GSE1: variants seen among roughly 807,000 people sequenced by gnomAD.
GSE1 encodes Gse1 coiled-coil protein, also known as genetic suppressor element 1.
In GSE1, 32 loss-of-function variants were observed where a neutral mutation model predicts 112.6. That is an observed-to-expected ratio of 0.28 (90% CI 0.21 to 0.38). The LOEUF is 0.38. Among genes scored for constraint, GSE1 ranks in the 10% least tolerant of loss-of-function variants. The probability of loss-of-function intolerance (pLI) is 1.00; values close to 1 mark genes in which losing one functional copy is unlikely to be tolerated. For missense variants in GSE1, 2,348 were observed against 1,699.2 expected (o/e 1.38, Z -6.71); for synonymous variants, 1,115 against 735.6 (o/e 1.52, Z -8.35).
chr16:85,333,506 CT>C (rs1171309864), intron 1 of GSE1, among the ~76,000 whole-genome samples: 1 of 152,284 alleles, frequency 6.6e-6, no homozygotes, highest in Non-Finnish European at 1.5e-5. Flanking sequence ...ACCTCACCCC[CT>C]TAGGGCTTGG....
intron 2 of GSE1, among the ~76,000 whole-genome samples, chr16:85,463,423 G>A (rs1423915402): frequency 6.6e-6 from 1 of 152,248 alleles, no homozygotes; most frequent in Non-Finnish European, 1.5e-5. Context: ...ACCCCGTGTA[G>A]GGAAGTGGCC....
At chr16:85,548,826 T>C (rs555392145) in intron 2 of GSE1, among the ~76,000 whole-genome samples, 394 of 152,340 alleles carry the variant, frequency 2.6e-3, no homozygotes, top group African/African-American at 9.2e-3. Flanking sequence ...AGTCTCACTC[T>C]GTCACCAGGC....
intron 1 of GSE1, among the ~76,000 whole-genome samples, chr16:85,298,779 C>T (rs1464598713): frequency 6.6e-6 from 1 of 152,226 alleles, no homozygotes; most frequent in Non-Finnish European, 1.5e-5. Flanking sequence ...GCATGTTAAT[C>T]TGGGCCAGGA....
intron 1 of GSE1, among the ~76,000 whole-genome samples, chr16:85,569,125 C>G (rs1442209133): frequency 6.6e-6 from 1 of 152,222 alleles, no homozygotes; most frequent in East Asian, 1.9e-4. Flanking sequence ...CTGCTGGGAT[C>G]CTTTTCTCCC....
chr16:85,286,436 C>G (rs1352200365), intron 1 of GSE1, among the ~76,000 whole-genome samples: 1 of 152,244 alleles, frequency 6.6e-6, no homozygotes, highest in African/African-American at 2.4e-5. Context: ...GTCCGTGTTA[C>G]TGAATCAAGG....
intron 1 of GSE1, among the ~76,000 whole-genome samples, chr16:85,189,072 A>G (rs1238606202): frequency 6.6e-6 from 1 of 152,188 alleles, no homozygotes; most frequent in Admixed American, 6.5e-5. Context: ...ATTCCTCACC[A>G]TTCCTTGAAG....
At chr16:85,449,866 G>A (rs1474081930) in intron 2 of GSE1, among the ~76,000 whole-genome samples, 1 of 152,186 alleles carries the variant, frequency 6.6e-6, no homozygotes, top group Non-Finnish European at 1.5e-5. Context: ...TCATTTCCCT[G>A]GTGGGGAATA....
At chr16:85,580,043 A>AT (rs2046385361) in intron 1 of GSE1, 1 of 152,256 alleles carries the variant, frequency 6.6e-6, no homozygotes, top group Admixed American at 6.5e-5. Context: ...CAGAGAAGGG[A>AT]TACAGCTGGG....
rs746819012 is a variant in GSE1, at chr16:85,661,138, C to T, written c.1641-8C>T. 1.9e-6 allele frequency: 3 copies of T among 1,557,172 alleles called. No homozygotes were observed. Among genetic ancestry groups the T allele is most frequent in the Non-Finnish European group, 2.6e-6 (3 of 1,146,630 alleles). On this transcript the variant is annotated splice_polypyrimidine_tract_variant and splice_region_variant and intron_variant, in intron 8 of 15. Coordinates refer to ENST00000253458, the MANE Select transcript of GSE1 (RefSeq NM_014615.5). The stretch of plus-strand genomic sequence containing the variant: ...CTCCCTGACTGAAGGGTTGGTTTCA[C>T]TCCCTAGGCCAGGACCAAACCGTCA...
At chr16:85,600,276 G>A (rs1256883007) in intron 1 of GSE1, among the ~76,000 whole-genome samples, 1 of 152,212 alleles carries the variant, frequency 6.6e-6, no homozygotes, top group Non-Finnish European at 1.5e-5. Flanking sequence ...GCCAGGAATA[G>A]AACTCCTGAG....
rs116443988 is a variant in GSE1, at chr16:85,436,893, G to A, written c.2464+79250G>A. ...CACGCAGTGGGCGGCCCGGGACTGT[G>A]GGGGCGGGCTGGAGGCAACCTTGAG... On this transcript the variant is annotated intron_variant, in intron 2 of 2. Transcript: ENST00000637419. 2.5e-4 allele frequency among the ~76,000 whole-genome samples: 38 copies of A among 152,354 alleles called. No homozygotes were observed. In the East Asian group the frequency reaches 6.8e-3, roughly 27 times the overall value.
Position 85,657,615 on chromosome 16 carries a change from C to G in GSE1, c.1640+11C>G. On this transcript the variant is annotated intron_variant, in intron 8 of 15. Coordinates refer to ENST00000253458, the MANE Select transcript of GSE1 (RefSeq NM_014615.5). ...GGAGAGCACCACCAGGTGAGTGAGC[C>G]CCAGGAAGGAAGGAGGGATGAGCCT... 2.0e-6 allele frequency: 3 copies of G among 1,496,300 alleles called. No individual in the cohort carries two copies. The highest frequency in any genetic ancestry group is 1.8e-6 in the Non-Finnish European group (2 of 1,122,470). The allele number at this position is 1,496,300 out of a possible 1,614,324, so 92.7% of individuals were successfully genotyped here. A position where few individuals can be genotyped will look rare whatever the true frequency, so the allele number is the denominator to read the frequency against.
chr16:85,275,743 TGGAAACCAAGCGAAG>T (rs1909296652), intron 1 of GSE1, among the ~76,000 whole-genome samples: 1 of 151,924 alleles, frequency 6.6e-6, no homozygotes, highest in Admixed American at 6.6e-5. Context: ...TGGACCCAGG[TGGAAACCAAGCGAAG>T]GGATGAACCG....
At chr16:85,454,072 A>G (rs111665495) in intron 2 of GSE1, among the ~76,000 whole-genome samples, 5,542 of 152,214 alleles carry the variant, frequency 0.036, 334 homozygotes, top group African/African-American at 0.13. Context: ...AGGCTCTAGG[A>G]GTGGAGGGAG....
At chr16:85,246,832 T>G (rs1597181427) in intron 1 of GSE1, among the ~76,000 whole-genome samples, 1 of 151,914 alleles carries the variant, frequency 6.6e-6, no homozygotes, top group Non-Finnish European at 1.5e-5. Context: ...AGGAAGGGGG[T>G]GCTCAGGAAA....
At chr16:85,628,717 G>C (rs1203342947) in intron 1 of GSE1, among the ~76,000 whole-genome samples, 6 of 152,212 alleles carry the variant, frequency 3.9e-5, no homozygotes, top group African/African-American at 1.4e-4. Context: ...TAAAAGCCTG[G>C]TTCACTGCAG....
In GSE1 at chr16:85,666,278, G is replaced by C. The variant is rs1267671300; in HGVS notation, c.3061G>C (p.Glu1021Gln). 3 of 1,613,910 alleles carry C rather than the reference G, an allele frequency of 1.9e-6. No individual in the cohort carries two copies. In the Admixed American group the frequency reaches 5.0e-5, roughly 27 times the overall value. The change falls in exon 13 of 16, where the codon GAA becomes CAA. Residue 1021 changes from glutamate to glutamine, a missense_variant. Physicochemically the swap from Glu to Gln is conservative, Grantham distance 29 (BLOSUM62 2). Transcript: ENST00000253458. ...CAAGCCGTGGGAGCCCTTTGTGGCA[G>C]AAGAGTTTGCACATCAGTTCCACGA... is the stretch of plus-strand genomic sequence containing the variant. ...KSKPWEPFVAEEFAHQFHESV... is the reference protein window; with the variant it reads ...KSKPWEPFVAQEFAHQFHESV...
chr16:85,182,735 C>G (rs1420438577), intron 1 of GSE1, among the ~76,000 whole-genome samples: 1 of 152,120 alleles, frequency 6.6e-6, no homozygotes, highest in Non-Finnish European at 1.5e-5. Flanking sequence ...GCAGGCCAAG[C>G]CAACAGGCGT....
At chr16:85,488,128 C>G (rs376093854) in intron 2 of GSE1, among the ~76,000 whole-genome samples, 5 of 152,166 alleles carry the variant, frequency 3.3e-5, no homozygotes, top group African/African-American at 1.2e-4. Context: ...AGGAAGGAAG[C>G]GGAGGAAAAC....
Sources: gnomAD v4.1 joint callset for allele counts (sites outside exome capture counted in the v4.1 genomes callset) on GRCh38, gnomAD v4.1.1 for gene constraint, MANE v1.5 for transcripts, NCBI Gene and HGNC (gene_info 2026-07-23, HGNC 2026-07-21) for gene names.